Variants in SMIM14 observed in about 807,000 individuals in gnomAD.
SMIM14 encodes the protein chromosome 4 open reading frame 34.
In SMIM14, 5 loss-of-function variants were observed where a neutral mutation model predicts 12.6. The observed-to-expected ratio is 0.40, with a 90% CI of 0.21 to 0.83. The LOEUF (loss-of-function observed/expected upper bound fraction) is 0.83, where lower values mean the gene tolerates loss of function less well. Ranked by LOEUF, SMIM14 falls within the 40% of genes least tolerant of loss-of-function variation. SMIM14 has a pLI of 0.37. For synonymous variants in SMIM14, 30 were observed against 40.1 expected (o/e 0.75, Z 0.95); for missense variants, 86 against 119.1 (o/e 0.72, Z 1.29).
chr4:39,620,095 CT>C (rs1233431116), intron 1 of SMIM14, among the ~76,000 whole-genome samples: 1 of 150,606 alleles, frequency 6.6e-6, no homozygotes, highest in Non-Finnish European at 1.5e-5. Flanking sequence ...AATCCCAGCA[CT>C]TTGGGAGGCT....
At chr4:39,586,465 G>A (rs1403517268) in intron 2 of SMIM14, among the ~76,000 whole-genome samples, 2 of 151,724 alleles carry the variant, frequency 1.3e-5, no homozygotes, top group African/African-American at 4.9e-5. Context: ...GTCCAGTAAC[G>A]TTCTTCATTT....
intron 1 of SMIM14, among the ~76,000 whole-genome samples, chr4:39,635,315 A>T (rs962446011): frequency 6.6e-6 from 1 of 152,248 alleles, no homozygotes; most frequent in African/African-American, 2.4e-5. Flanking sequence ...TAAGAGAGGA[A>T]GGCAGTGCTG....
intron 3 of SMIM14, among the ~76,000 whole-genome samples, chr4:39,567,520 C>G (rs77223062): frequency 1.8e-4 from 28 of 151,906 alleles, no homozygotes; most frequent in Non-Finnish European, 3.7e-4. Flanking sequence ...GGGCGGATCA[C>G]GAGGTCAGGA....
At chr4:39,584,444 T>C (rs535095298) in intron 2 of SMIM14, among the ~76,000 whole-genome samples, 1 of 120,126 alleles carries the variant, frequency 8.3e-6, no homozygotes, top group Admixed American at 1.2e-4. Context: ...ATCTTGCCAC[T>C]GCACTCCAGC....
At chr4:39,616,693 G>A (rs1715240310) in intron 1 of SMIM14, among the ~76,000 whole-genome samples, 1 of 147,096 alleles carries the variant, frequency 6.8e-6, no homozygotes, top group African/African-American at 2.4e-5. Flanking sequence ...GGATTCTAAG[G>A]ACCCAGAATT....
chr4:39,616,079 C>G (rs1029795487), intron 1 of SMIM14, among the ~76,000 whole-genome samples: 1 of 152,138 alleles, frequency 6.6e-6, no homozygotes, highest in Non-Finnish European at 1.5e-5. Context: ...CTAGGCTATT[C>G]CACTGAAAAC....
In SMIM14 at chr4:39,558,054, T is replaced by C. The variant is rs2109986004; in HGVS notation, c.125-1484A>G. ...GTATACAGGCATCAGTTTTTCCTGG[T>C]TCCTTGACATAGCCACGTCTTATTT... On this transcript the variant is annotated intron_variant, in intron 3 of 4. Transcript: ENST00000295958. The surrounding 1 kb of genome is among the most constrained non-coding windows in gnomAD (Gnocchi z 4.3). Among the ~76,000 whole-genome samples, 1 of 152,356 alleles carries C rather than the reference T, an allele frequency of 6.6e-6. No homozygotes were observed. Among genetic ancestry groups the C allele is most frequent in the Admixed American group, 6.5e-5 (1 of 15,300 alleles).
intron 1 of SMIM14, among the ~76,000 whole-genome samples, chr4:39,628,887 C>A (rs1247179943): frequency 1.3e-5 from 2 of 150,868 alleles, no homozygotes; most frequent in African/African-American, 2.4e-5. Flanking sequence ...TGCGTGCCAT[C>A]ACACCCAGCT....
intron 2 of SMIM14, among the ~76,000 whole-genome samples, chr4:39,602,870 G>A (rs1191921348): frequency 6.6e-6 from 1 of 152,142 alleles, no homozygotes; most frequent in African/African-American, 2.4e-5. Context: ...CACTAAGCAA[G>A]CAGAAAACCT....
intron 1 of SMIM14, among the ~76,000 whole-genome samples, chr4:39,615,195 G>C (rs545518126): frequency 1.3e-5 from 2 of 152,008 alleles, no homozygotes; most frequent in African/African-American, 4.8e-5. Context: ...TTGGCCTCCC[G>C]AAGTGTTGGG....
At chr4:39,574,945 G>A (rs1023903106) in intron 2 of SMIM14, among the ~76,000 whole-genome samples, 2 of 151,954 alleles carry the variant, frequency 1.3e-5, no homozygotes, top group African/African-American at 4.8e-5. Flanking sequence ...ACCAGCCTGG[G>A]CAACATGCTG....
chr4:39,583,250 G>A lies in SMIM14; in HGVS notation c.76-10787C>T, dbSNP rs1201466910. On this transcript the variant is annotated intron_variant, in intron 2 of 4. Coordinates refer to ENST00000295958, the MANE Select transcript of SMIM14 (RefSeq NM_174921.3). Reference sequence around the variant, plus strand: ...ACTATAGGCACATGCCACCACACTGGGCTAATTTTTTATTTTATTTTATTA... The same window carrying A: ...ACTATAGGCACATGCCACCACACTGAGCTAATTTTTTATTTTATTTTATTA... 2.0e-5 allele frequency among the ~76,000 whole-genome samples: 3 copies of A among 151,962 alleles called. No individual in the cohort carries two copies. The East Asian group carries it at 5.8e-4, about 29-fold the overall frequency.
intron 2 of SMIM14, among the ~76,000 whole-genome samples, chr4:39,601,299 T>C (rs547578200): frequency 1.3e-5 from 2 of 152,298 alleles, no homozygotes; most frequent in East Asian, 1.9e-4. Context: ...TTCTTAAAAA[T>C]TGATGATATT....
chr4:39,548,343 A>ACT lies in SMIM14; in HGVS notation c.*3781_*3782dup, dbSNP rs1222275763. 6.6e-6 allele frequency: 1 copy of ACT among 151,938 alleles called. No homozygotes were observed. The highest frequency in any genetic ancestry group is 2.4e-5 in the African/African-American group (1 of 41,336). The allele number at this position is 151,938 out of a possible 1,614,324, so 9.4% of individuals were successfully genotyped here. ...ATTGTGCATAAAAACACATTAAATG[A>ACT]CTCTAAAACAAAATAAACTTTTTTT... On this transcript the variant is annotated 3_prime_UTR_variant, in exon 5 of 5. Coordinates refer to ENST00000295958, the MANE Select transcript of SMIM14 (RefSeq NM_174921.3).
intron 1 of SMIM14, among the ~76,000 whole-genome samples, chr4:39,608,744 TA>T (rs745440329): frequency 3.9e-5 from 6 of 152,216 alleles, no homozygotes; most frequent in Non-Finnish European, 8.8e-5. Flanking sequence ...TGAATGTAAT[TA>T]ATGTCACCAA....
chr4:39,602,400 G>GCCTGGCCAACATGGTAAAAC (rs1401381577), intron 2 of SMIM14, among the ~76,000 whole-genome samples: 3 of 152,080 alleles, frequency 2.0e-5, no homozygotes, highest in Non-Finnish European at 4.4e-5. Context: ...TTCGAGACCA[G>GCCTGGCCAACATGGTAAAAC]CCTGGCCAAC....
chr4:39,567,580 T>C (rs1712644984), intron 3 of SMIM14, among the ~76,000 whole-genome samples: 1 of 151,764 alleles, frequency 6.6e-6, no homozygotes, highest in South Asian at 2.1e-4. Context: ...CTACTAAAAA[T>C]ACAAAAATTA....
chr4:39,585,641 A>C (rs1713749495), intron 2 of SMIM14, among the ~76,000 whole-genome samples: 1 of 152,090 alleles, frequency 6.6e-6, no homozygotes, highest in African/African-American at 2.4e-5. Context: ...CAATACTATG[A>C]CACTGCTAAA....
chr4:39,591,183 ATTGTT>A (rs1714060076), intron 2 of SMIM14, among the ~76,000 whole-genome samples: 1 of 151,942 alleles, frequency 6.6e-6, no homozygotes, highest in African/African-American at 2.4e-5. Flanking sequence ...TGGTTATGCT[ATTGTT>A]TTATTATTTG....
Sources: allele counts gnomAD v4.1 joint callset (sites outside exome capture counted in the v4.1 genomes callset), GRCh38; gene constraint gnomAD v4.1.1; non-coding constraint Gnocchi (gnomAD v3.1); transcripts MANE v1.5; gene names NCBI Gene and HGNC (gene_info 2026-07-23, HGNC 2026-07-21).